TENM2: variants seen among roughly 807,000 people sequenced by gnomAD.
TENM2 encodes teneurin-2.
Under a neutral mutation model 245.2 loss-of-function variants are expected in TENM2, and 52 were observed. The ratio of observed to expected loss-of-function variants is 0.21; its 90% confidence interval spans 0.17 to 0.27. TENM2 has a LOEUF of 0.27. Among genes scored for constraint, TENM2 ranks in the 10% least tolerant of loss-of-function variants. The pLI is 1.00. For synonymous variants in TENM2, 1,363 were observed against 1,438.9 expected, an observed-to-expected ratio of 0.95 and a Z score of 1.19; for missense variants, 3,046 against 3,666.8, an observed-to-expected ratio of 0.83 and a Z score of 4.37.
chr5:168,135,716 T>TA (rs35396906), intron 12 of TENM2, among the ~76,000 whole-genome samples: 14,918 of 150,126 alleles, frequency 0.099, 1,112 homozygotes, highest in East Asian at 0.32. Flanking sequence ...TCCCTCTAAT[T>TA]AAAAAAAAAA....
chr5:167,906,883 A>G (rs971119820), intron 3 of TENM2, among the ~76,000 whole-genome samples: 4 of 152,208 alleles, frequency 2.6e-5, no homozygotes, highest in African/African-American at 9.6e-5. Context: ...GACCTGACAT[A>G]GAATCTAATT....
At chr5:167,702,697 A>C (rs111241618) in intron 2 of TENM2, among the ~76,000 whole-genome samples, 2 of 151,528 alleles carry the variant, frequency 1.3e-5, no homozygotes, top group Admixed American at 1.3e-4. Flanking sequence ...TCCCTCTGTT[A>C]CAAGACTCTC....
chr5:167,173,609 A>G, the TENM2 span, among the ~76,000 whole-genome samples: 1 of 152,064 alleles, frequency 6.6e-6, no homozygotes, highest in Non-Finnish European at 1.5e-5. Flanking sequence ...TTGTCTGCCT[A>G]AGTTAATGAA....
At chr5:167,397,815 T>C (rs1762142792) in intron 2 of TENM2, among the ~76,000 whole-genome samples, 1 of 152,120 alleles carries the variant, frequency 6.6e-6, no homozygotes, top group South Asian at 2.1e-4. Flanking sequence ...CAAGAAAAAG[T>C]CTCTAAAACA....
the TENM2 span, among the ~76,000 whole-genome samples, chr5:167,106,081 A>G: frequency 6.6e-6 from 1 of 151,862 alleles, no homozygotes; most frequent in Admixed American, 6.6e-5. Context: ...ACTCATGGTT[A>G]TCTGTTTAAT....
chr5:166,998,918 G>T, the TENM2 span, among the ~76,000 whole-genome samples: 7 of 151,842 alleles, frequency 4.6e-5, no homozygotes, highest in Non-Finnish European at 1.0e-4. Context: ...GATGGAGGGG[G>T]TGAGGTTGTG....
intron 1 of TENM2, among the ~76,000 whole-genome samples, chr5:167,361,668 C>T (rs1034083445): frequency 6.6e-6 from 1 of 152,208 alleles, no homozygotes; most frequent in Non-Finnish European, 1.5e-5. Context: ...TTATTTAGCA[C>T]ATTTAACTCT....
At chr5:167,308,470 G>A (rs1238743112) in intron 1 of TENM2, among the ~76,000 whole-genome samples, 2 of 152,134 alleles carry the variant, frequency 1.3e-5, no homozygotes, top group Non-Finnish European at 2.9e-5. Flanking sequence ...TAACTCCTCA[G>A]CTCTATTAGA....
chr5:167,762,661 C>G (rs1169027242), intron 2 of TENM2, among the ~76,000 whole-genome samples: 3 of 152,192 alleles, frequency 2.0e-5, no homozygotes, highest in Admixed American at 6.5e-5. Context: ...TAGGCAAAGT[C>G]TTTTACAGAT....
intron 2 of TENM2, among the ~76,000 whole-genome samples, chr5:167,747,626 G>C (rs972718152): frequency 6.6e-6 from 1 of 152,200 alleles, no homozygotes; most frequent in Non-Finnish European, 1.5e-5. Context: ...GGGATGTGGG[G>C]ATGTCTTCTC....
the TENM2 span, among the ~76,000 whole-genome samples, chr5:167,020,432 A>C: frequency 8.5e-5 from 13 of 152,348 alleles, no homozygotes; most frequent in Non-Finnish European, 1.9e-4. Flanking sequence ...TGATCTGCCC[A>C]AACATTGTCT....
intron 7 of TENM2, among the ~76,000 whole-genome samples, chr5:168,067,546 C>A (rs1276148949): frequency 6.6e-6 from 1 of 152,168 alleles, no homozygotes; most frequent in African/African-American, 2.4e-5. Context: ...TGGTATTAGT[C>A]TTTGCCAGTT....
At chr5:167,954,721 G>A (rs1258574242) in intron 4 of TENM2, among the ~76,000 whole-genome samples, 1 of 152,084 alleles carries the variant, frequency 6.6e-6, no homozygotes, top group Non-Finnish European at 1.5e-5. Context: ...GTGGTGTTTG[G>A]TTTTCTGTTC....
the TENM2 span, among the ~76,000 whole-genome samples, chr5:167,239,352 T>C: frequency 1.3e-5 from 2 of 152,212 alleles, no homozygotes; most frequent in Non-Finnish European, 2.9e-5. Flanking sequence ...TCCAGTGCTA[T>C]GTTTATACAT....
the TENM2 span, among the ~76,000 whole-genome samples, chr5:167,189,754 T>A: frequency 3.9e-5 from 6 of 151,946 alleles, no homozygotes; most frequent in Admixed American, 6.6e-5. Flanking sequence ...CATATATTAT[T>A]TTATCAAATG....
chr5:167,447,759 G>A (rs1376575405), intron 2 of TENM2, among the ~76,000 whole-genome samples: 1 of 152,174 alleles, frequency 6.6e-6, no homozygotes, highest in African/African-American at 2.4e-5. Flanking sequence ...AACAGTTAAT[G>A]TAGAATACCA....
exon 4 of TENM2, chr5:167,952,652 G>A (rs1241496536): frequency 6.8e-6 from 11 of 1,611,110 alleles, no homozygotes; most frequent in Non-Finnish European, 9.3e-6. Flanking sequence ...ACAACCACAC[G>A]CTGTCCCATC....
chr5:167,939,131 T>C (rs1177508688), intron 3 of TENM2, among the ~76,000 whole-genome samples: 1 of 152,156 alleles, frequency 6.6e-6, no homozygotes, highest in African/African-American at 2.4e-5. Context: ...CTAGGCTCTA[T>C]ACAACAGCAT....
chr5:168,161,192 G>A (rs148293657), intron 12 of TENM2, among the ~76,000 whole-genome samples: 154 of 152,244 alleles, frequency 1.0e-3, no homozygotes, highest in South Asian at 3.1e-3. Context: ...GGCCAGGAAG[G>A]TTTCAAATCA....
Sources: gnomAD v4.1 joint callset for allele counts (sites outside exome capture counted in the v4.1 genomes callset) on GRCh38, gnomAD v4.1.1 for gene constraint, MANE v1.5 for transcripts, NCBI Gene and HGNC (gene_info 2026-07-23, HGNC 2026-07-21) for gene names.